The following CPNE4 variants were observed in gnomAD, a reference collection of about 807,000 sequenced individuals.
CPNE4 encodes copine 4.
Under a neutral mutation model 67.9 loss-of-function variants are expected in CPNE4, and 25 were observed. The ratio of observed to expected loss-of-function variants is 0.37; its 90% CI spans 0.27 to 0.51. The LOEUF (loss-of-function observed/expected upper bound fraction) is 0.51, where lower values mean the gene tolerates loss of function less well. Ranked by LOEUF, CPNE4 falls within the 20% of genes least tolerant of loss-of-function variation. The probability of loss-of-function intolerance (pLI) is 0.93; values close to 1 mark genes in which losing one functional copy is unlikely to be tolerated. For synonymous variants in CPNE4, 242 were observed against 244.9 expected (o/e 0.99, Z 0.11); for missense variants, 464 against 690.8 (o/e 0.67, Z 3.68).
At chr3:131,732,402 G>A (rs1408318782) in intron 2 of CPNE4, among the ~76,000 whole-genome samples, 5 of 152,172 alleles carry the variant, frequency 3.3e-5, no homozygotes, top group Admixed American at 2.0e-4. Context: ...GCTCTGCTAT[G>A]TACCAGGAGA....
chr3:131,685,499 G>C (rs2080866859), intron 6 of CPNE4, among the ~76,000 whole-genome samples: 2 of 151,948 alleles, frequency 1.3e-5, no homozygotes, highest in African/African-American at 4.8e-5. Flanking sequence ...AGAAGTAAAA[G>C]GAGGCTGGGC....
intron 1 of CPNE4, among the ~76,000 whole-genome samples, chr3:131,918,597 C>A (rs956142286): frequency 6.6e-5 from 10 of 152,162 alleles, no homozygotes; most frequent in East Asian, 1.9e-4. Context: ...GCAAAAAAAA[C>A]CACACGTGGA....
chr3:131,911,586 T>C (rs1343860805), intron 1 of CPNE4, among the ~76,000 whole-genome samples: 1 of 146,802 alleles, frequency 6.8e-6, no homozygotes, highest in African/African-American at 2.5e-5. Flanking sequence ...TGTGTGTGTG[T>C]AAACTCCTTT....
chr3:131,911,742 A>C (rs2107790184), intron 1 of CPNE4, among the ~76,000 whole-genome samples: 1 of 152,180 alleles, frequency 6.6e-6, no homozygotes, highest in East Asian at 1.9e-4. Flanking sequence ...CTAAAGACAA[A>C]ATTCCCAACT....
chr3:131,880,130 A>T (rs61791873), intron 2 of CPNE4, among the ~76,000 whole-genome samples: 1 of 146,114 alleles, frequency 6.8e-6, no homozygotes, highest in Admixed American at 6.8e-5. Flanking sequence ...ATATATATAC[A>T]TATTTTTTTT....
chr3:131,578,703 G>T (rs1367447523), intron 9 of CPNE4, among the ~76,000 whole-genome samples: 3 of 152,144 alleles, frequency 2.0e-5, no homozygotes, highest in Admixed American at 2.0e-4. Context: ...TGTGAAGGAA[G>T]TTTTAGTGGT....
intron 1 of CPNE4, among the ~76,000 whole-genome samples, chr3:131,906,663 T>C (rs1204839745): frequency 6.6e-6 from 1 of 152,076 alleles, no homozygotes; most frequent in South Asian, 2.1e-4. Flanking sequence ...TGTTGGACAT[T>C]TGGGTTGTTT....
At chr3:131,850,387 T>C (rs1359516002) in intron 2 of CPNE4, among the ~76,000 whole-genome samples, 1 of 152,094 alleles carries the variant, frequency 6.6e-6, no homozygotes, top group Non-Finnish European at 1.5e-5. Flanking sequence ...TCAAATTTAC[T>C]AGCTGTGTGG....
chr3:131,581,212 C>G (rs59453402), intron 9 of CPNE4, among the ~76,000 whole-genome samples: 1 of 151,958 alleles, frequency 6.6e-6, no homozygotes, highest in Non-Finnish European at 1.5e-5. Context: ...CAAACCAAAC[C>G]AAACAAAACA....
chr3:131,902,696 G>A (rs1047185736), intron 2 of CPNE4, among the ~76,000 whole-genome samples: 1 of 152,026 alleles, frequency 6.6e-6, no homozygotes, highest in Admixed American at 6.6e-5. Context: ...AGAAGAAAAA[G>A]ACTAAAATAA....
intron 2 of CPNE4, among the ~76,000 whole-genome samples, chr3:131,739,046 G>T (rs774277687): frequency 6.6e-6 from 1 of 151,772 alleles, no homozygotes; most frequent in Non-Finnish European, 1.5e-5. Flanking sequence ...GTAGAGACAG[G>T]GTTTCGCCAT....
At chr3:131,650,748 A>AAAAAAAAAC (rs1301799109) in intron 7 of CPNE4, among the ~76,000 whole-genome samples, 1 of 98,480 alleles carries the variant, frequency 1.0e-5, no homozygotes, top group African/African-American at 6.0e-5. Context: ...CCGTCTCAAA[A>AAAAAAAAAC]AAAAAAAAAA....
chr3:132,019,972 C>T (rs1197312185), intron 1 of CPNE4, among the ~76,000 whole-genome samples: 1 of 152,156 alleles, frequency 6.6e-6, no homozygotes, highest in East Asian at 1.9e-4. Flanking sequence ...ATTCTCACCA[C>T]CATCATGGAT....
chr3:131,710,695 T>C (rs1044999388), intron 3 of CPNE4, among the ~76,000 whole-genome samples: 4 of 152,198 alleles, frequency 2.6e-5, no homozygotes, highest in African/African-American at 9.7e-5. Flanking sequence ...CATAACATAA[T>C]ATCTGAGATA....
chr3:131,629,391 C>CTT (rs60081636), intron 7 of CPNE4, among the ~76,000 whole-genome samples: 21 of 151,348 alleles, frequency 1.4e-4, no homozygotes, highest in African/African-American at 4.4e-4. Flanking sequence ...GTATGTTCAT[C>CTT]TTTTTTTTTC....
intron 12 of CPNE4, among the ~76,000 whole-genome samples, chr3:131,553,638 C>A (rs1936305633): frequency 6.6e-6 from 1 of 152,096 alleles, no homozygotes; most frequent in Non-Finnish European, 1.5e-5. Context: ...GTGCTGACTT[C>A]CACTTCCCAA....
chr3:131,605,149 T>C (rs1939424598), intron 7 of CPNE4, among the ~76,000 whole-genome samples: 1 of 152,198 alleles, frequency 6.6e-6, no homozygotes, highest in Non-Finnish European at 1.5e-5. Flanking sequence ...TCTTATTCTC[T>C]TGCATGGCTC....
intron 2 of CPNE4, among the ~76,000 whole-genome samples, chr3:131,798,722 G>C (rs2083989989): frequency 6.6e-6 from 1 of 152,190 alleles, no homozygotes; most frequent in East Asian, 1.9e-4. Context: ...TTAGAAGCAA[G>C]CAAGGAATGA....
rs1478398948 is a variant in CPNE4, at chr3:131,624,551, TG to T, written c.682-36970del. 3.3e-5 allele frequency among the ~76,000 whole-genome samples: 5 copies of T among 152,152 alleles called. No homozygotes were observed. The East Asian group carries it at 9.7e-4, about 29-fold the overall frequency. Reference sequence around the variant, plus strand: ...CAGAATAATGAACCATAATAACAAATGGCTATATTTTCTAGAAAGCCTATTA... The same window carrying T: ...CAGAATAATGAACCATAATAACAAATGCTATATTTTCTAGAAAGCCTATTA... On this transcript the variant is annotated intron_variant, in intron 7 of 15. Transcript: ENST00000429747.
Sources: allele counts gnomAD v4.1 joint callset (sites outside exome capture counted in the v4.1 genomes callset), GRCh38; gene constraint gnomAD v4.1.1; transcripts MANE v1.5; gene names NCBI Gene and HGNC (gene_info 2026-07-23, HGNC 2026-07-21).